Variants in CDK8 observed in about 807,000 individuals in gnomAD.
CDK8 encodes the protein cyclin-dependent kinase 8.
A neutral mutation model predicts 71.5 loss-of-function variants in CDK8; 29 were observed. That is an observed-to-expected ratio of 0.41 (90% CI 0.30 to 0.55). The LOEUF is 0.55. Ranked by LOEUF, CDK8 falls within the 20% of genes least tolerant of loss-of-function variation. The pLI is 0.37. For missense variants in CDK8, 288 were observed against 572.6 expected, an observed-to-expected ratio of 0.50 and a Z score of 5.07; for synonymous variants, 161 against 192.1, an observed-to-expected ratio of 0.84 and a Z score of 1.34.
intron 1 of CDK8, among the ~76,000 whole-genome samples, chr13:26,257,390 G>C (rs571007585): frequency 3.0e-4 from 45 of 152,282 alleles, no homozygotes; most frequent in African/African-American, 1.1e-3. Flanking sequence ...AAATAAAATA[G>C]CTTCAAAGAT....
rs1324594386 is a variant in CDK8, at chr13:26,254,164, T to C, written c.-478T>C. ...CGGCTGTTGTGCGGCTCTGCCCTTC[T>C]GTTTGAGTGTATGGGAGAGTGAGTG... On this transcript the variant is annotated 5_prime_UTR_variant, in exon 1 of 13. Coordinates refer to ENST00000381527, the MANE Select transcript of CDK8 (RefSeq NM_001260.3). This position sits in a 1 kb window ranked among gnomAD's most constrained non-coding sequence, Gnocchi z 6.7. 1 of 232,182 alleles carries C rather than the reference T, an allele frequency of 4.3e-6. No homozygotes were observed. Among genetic ancestry groups the C allele is most frequent in the Non-Finnish European group, 8.5e-6 (1 of 117,320 alleles). 14.4% of individuals were successfully genotyped at this position (232,182 alleles called of 1,614,324 possible).
intron 1 of CDK8, among the ~76,000 whole-genome samples, chr13:26,319,584 A>G (rs2137944711): frequency 1.3e-5 from 2 of 152,278 alleles, no homozygotes; most frequent in Middle Eastern, 3.4e-3. Flanking sequence ...ATGGAAACAT[A>G]TCCTATGTTC....
chr13:26,255,644 G>A (rs9581599), intron 1 of CDK8, among the ~76,000 whole-genome samples: 1 of 152,012 alleles, frequency 6.6e-6, no homozygotes, highest in African/African-American at 2.4e-5. Flanking sequence ...TAGTTGGGGG[G>A]AAAATATATT....
chr13:26,297,241 A>C (rs73160317), intron 1 of CDK8, among the ~76,000 whole-genome samples: 1,878 of 152,318 alleles, frequency 0.012, 16 homozygotes, highest in Non-Finnish European at 0.017. Context: ...ATTATGAATA[A>C]ATTTTAATCA....
chr13:26,280,856 G>A (rs1334911704), intron 1 of CDK8, among the ~76,000 whole-genome samples: 1 of 152,244 alleles, frequency 6.6e-6, no homozygotes, highest in Non-Finnish European at 1.5e-5. Context: ...GGACAGAACA[G>A]CATGTGGAGA....
rs114818676 is a variant in CDK8 at position 26,331,222 on chromosome 13, C to G, written c.129-6345C>G. Among the ~76,000 whole-genome samples the G allele has an allele frequency of 1.1e-3, 164 of 152,048 alleles. 1 individual carries two copies. Among genetic ancestry groups the G allele is most frequent in the African/African-American group, 3.9e-3 (160 of 41,486 alleles). Reference sequence around the variant, plus strand: ...GATATTGAGCATTTTTTTCATATACCTGTTGGATCTTTGTATGTCTTCTTT... The same window carrying G: ...GATATTGAGCATTTTTTTCATATACGTGTTGGATCTTTGTATGTCTTCTTT... On this transcript the variant is annotated intron_variant, in intron 1 of 12. Transcript: ENST00000381527.
intron 1 of CDK8, among the ~76,000 whole-genome samples, chr13:26,293,023 A>G (rs1175690): frequency 0.95 from 144,109 of 152,276 alleles, 68,235 homozygotes; most frequent in East Asian, 1. Context: ...GTCCTGTGTG[A>G]TTCCATGGTG....
chr13:26,254,978 C>T lies in CDK8; in HGVS notation c.128+209C>T, dbSNP rs1343251576. Among the ~76,000 whole-genome samples, 6 of 152,230 alleles carry T rather than the reference C, an allele frequency of 3.9e-5. No homozygotes were observed. Among genetic ancestry groups the T allele is most frequent in the Non-Finnish European group, 8.8e-5 (6 of 68,032 alleles). On this transcript the variant is annotated intron_variant, in intron 1 of 12. Coordinates refer to ENST00000381527, the MANE Select transcript of CDK8 (RefSeq NM_001260.3). This position sits in a 1 kb window ranked among gnomAD's most constrained non-coding sequence, Gnocchi z 6.7. ...TCCTGCGTGCCGCGTCTGTGTTCTG[C>T]TCTGGTGGTAAGAGGCAAGATGAGC...
intron 1 of CDK8, among the ~76,000 whole-genome samples, chr13:26,313,173 A>G (rs1406104705): frequency 6.6e-6 from 1 of 152,148 alleles, no homozygotes; most frequent in Non-Finnish European, 1.5e-5. Context: ...ACTGCCTTAA[A>G]GGCAAGGGCT....
In CDK8 at chr13:26,385,238, A is replaced by G; in HGVS notation, c.542A>G (p.Asn181Ser). 8 of 1,611,890 alleles carry G rather than the reference A, an allele frequency of 5.0e-6. No homozygotes were observed. The highest frequency in any genetic ancestry group is 6.8e-6 in the Non-Finnish European group (8 of 1,179,064). ...IADMGFARLF[N>S]SPLKPLADLD... ...GACATGGGCTTTGCCCGATTATTTA[A>G]TTCACCTTTGAAGCCTTTAGCAGAT... The change falls in exon 6 of 13, where the codon AAT (asparagine) becomes AGT (serine). Residue 181 changes from asparagine (N) to serine (S), a missense_variant. Physicochemically the swap from Asn to Ser is conservative, Grantham distance 46 (BLOSUM62 1). Transcript: ENST00000381527.
At chr13:26,381,123 T>G (rs909309235) in intron 4 of CDK8, among the ~76,000 whole-genome samples, 2 of 152,190 alleles carry the variant, frequency 1.3e-5, no homozygotes, top group African/African-American at 4.8e-5. Flanking sequence ...TCAACAGGTG[T>G]TTAGGGAGTC....
At chr13:26,309,523 A>G (rs979942258) in intron 1 of CDK8, among the ~76,000 whole-genome samples, 1 of 152,104 alleles carries the variant, frequency 6.6e-6, no homozygotes, top group Admixed American at 6.5e-5. Flanking sequence ...TTTTCATTTC[A>G]TATGTATGGC....
intron 1 of CDK8, among the ~76,000 whole-genome samples, chr13:26,336,406 T>G (rs1298516241): frequency 6.6e-6 from 1 of 152,142 alleles, no homozygotes; most frequent in Non-Finnish European, 1.5e-5. Context: ...CATTTTAAAA[T>G]TTGTATAGGA....
intron 1 of CDK8, among the ~76,000 whole-genome samples, chr13:26,305,822 G>A (rs1404631367): frequency 6.6e-6 from 1 of 151,956 alleles, no homozygotes; most frequent in Non-Finnish European, 1.5e-5. Context: ...CTATCTTGAG[G>A]TACTCTGTTG....
At chr13:26,357,103 G>T (rs1214694444) in intron 4 of CDK8, among the ~76,000 whole-genome samples, 1 of 152,146 alleles carries the variant, frequency 6.6e-6, no homozygotes, top group East Asian at 1.9e-4. Flanking sequence ...GTAGAGTTAT[G>T]AATTTCTTTG....
chr13:26,272,721 C>T (rs112662771), intron 1 of CDK8, among the ~76,000 whole-genome samples: 311 of 152,232 alleles, frequency 2.0e-3, no homozygotes, highest in African/African-American at 6.6e-3. Context: ...CTATACATGA[C>T]GGGCAGTGCA....
chr13:26,281,628 CCAA>C (rs1872752107), intron 1 of CDK8, among the ~76,000 whole-genome samples: 1 of 104,032 alleles, frequency 9.6e-6, no homozygotes, highest in African/African-American at 7.7e-5. Context: ...AGCAATGGGT[CCAA>C]ATCAAGAAGA....
chr13:26,283,469 G>A (rs544567818), intron 1 of CDK8, among the ~76,000 whole-genome samples: 34 of 152,000 alleles, frequency 2.2e-4, no homozygotes, highest in Non-Finnish European at 3.8e-4. Context: ...TTAGCTGGGC[G>A]TGGTGGCACG....
At chr13:26,369,492 C>A (rs2138024811) in intron 4 of CDK8, among the ~76,000 whole-genome samples, 1 of 125,070 alleles carries the variant, frequency 8.0e-6, no homozygotes, top group Admixed American at 8.2e-5. Context: ...ATCTGTAAAA[C>A]TCTTATTGTG....
Sources: allele counts gnomAD v4.1 joint callset (sites outside exome capture counted in the v4.1 genomes callset), GRCh38; gene constraint gnomAD v4.1.1; non-coding constraint Gnocchi (gnomAD v3.1); transcripts MANE v1.5; gene names NCBI Gene and HGNC (gene_info 2026-07-23, HGNC 2026-07-21).